Variants in CLMN observed in about 807,000 individuals in gnomAD.
The protein encoded by CLMN is calmin, also known as calmin (calponin-like, transmembrane).
Under a neutral mutation model 92.7 loss-of-function variants are expected in CLMN, and 57 were observed. That is an observed-to-expected ratio of 0.61 (90% CI 0.50 to 0.77). The LOEUF is 0.77. CLMN is among the 30% of genes least tolerant of loss of function. The pLI is 0.00. For synonymous variants in CLMN, 466 were observed against 470.6 expected (o/e 0.99, Z 0.13); for missense variants, 1,158 against 1,237.5 (o/e 0.94, Z 0.96).
chr14:95,237,141 G>A (rs575206022), intron 1 of CLMN, among the ~76,000 whole-genome samples: 6 of 152,374 alleles, frequency 3.9e-5, no homozygotes, highest in African/African-American at 1.4e-4. Context: ...TCCTGGGGCT[G>A]TTGAAGAGAC....
intron 1 of CLMN, among the ~76,000 whole-genome samples, chr14:95,312,552 C>T (rs1481919828): frequency 6.6e-6 from 1 of 152,162 alleles, no homozygotes; most frequent in African/African-American, 2.4e-5. Flanking sequence ...TTCTGCATAG[C>T]AGCCTGATAC....
chr14:95,283,534 T>G (rs772717111), intron 1 of CLMN, among the ~76,000 whole-genome samples: 7 of 152,188 alleles, frequency 4.6e-5, no homozygotes, highest in Non-Finnish European at 7.4e-5. Context: ...GTAGGAAAGT[T>G]TGGAACTTCC....
rs766520294 is a variant in CLMN at position 95,319,795 on chromosome 14, A to AGCGCGGGCGGGAGAGCCCGGGCCAGCGCG, written c.-32_-4dup. ...CAGTCCCACTCGTGTGCAGCCATGA[A>AGCGCGGGCGGGAGAGCCCGGGCCAGCGCG]GCGCGGGCGGGAGAGCCCGGGCCAG... On this transcript the variant is annotated 5_prime_UTR_variant, in exon 1 of 13. Coordinates refer to ENST00000298912, the MANE Select transcript of CLMN (RefSeq NM_024734.4). The AGCGCGGGCGGGAGAGCCCGGGCCAGCGCG allele has an allele frequency of 5.2e-6, 8 of 1,530,232 alleles. No homozygotes were observed. The highest frequency in any genetic ancestry group is 7.0e-6 in the Non-Finnish European group (8 of 1,142,270). 94.8% of individuals were successfully genotyped at this position (1,530,232 alleles called of 1,614,324 possible). A position where few individuals can be genotyped will look rare whatever the true frequency, so the allele number is the denominator to read the frequency against.
In CLMN at chr14:95,185,984, T is replaced by C. The variant is rs1027062740; in HGVS notation, c.*5580A>G. On this transcript the variant is annotated 3_prime_UTR_variant, in exon 13 of 13. Transcript: ENST00000298912. ...TGTACTTGCTAATTCTGACTTTTGTTGGAGAGATGAGCTCCATGGTGTTCT... is the reference window on the plus strand; with the variant it reads ...TGTACTTGCTAATTCTGACTTTTGTCGGAGAGATGAGCTCCATGGTGTTCT... The C allele has an allele frequency of 1.3e-5, 2 of 152,220 alleles. No individual in the cohort carries two copies. The allele number at this position is 152,220 out of a possible 1,614,324, so 9.4% of individuals were successfully genotyped here. A position where few individuals can be genotyped will look rare whatever the true frequency, so the allele number is the denominator to read the frequency against.
Position 95,191,216 on chromosome 14 carries a change from C to A in CLMN, c.*348G>T. ...AGGTAAGAAACTCAAGTTCATCCAG[C>A]GTGTGAACCTGCAATGTGGGGTGTG... On this transcript the variant is annotated 3_prime_UTR_variant, in exon 13 of 13. Coordinates refer to ENST00000298912, the MANE Select transcript of CLMN (RefSeq NM_024734.4). This position sits in a 1 kb window ranked among gnomAD's most constrained non-coding sequence, Gnocchi z 5.3. 6.1e-6 allele frequency: 1 copy of A among 162,910 alleles called. No homozygotes were observed. The highest frequency in any genetic ancestry group is 1.3e-5 in the Non-Finnish European group (1 of 75,526). 10.1% of individuals were successfully genotyped at this position (162,910 alleles called of 1,614,324 possible).
At chr14:95,298,122 A>G (rs1240213731) in intron 1 of CLMN, among the ~76,000 whole-genome samples, 1 of 152,026 alleles carries the variant, frequency 6.6e-6, no homozygotes, top group Non-Finnish European at 1.5e-5. Flanking sequence ...CCCAGCTCCC[A>G]TGGCGTCATC....
chr14:95,197,339 AAAGT>A (rs1896746985), intron 9 of CLMN, among the ~76,000 whole-genome samples: 1 of 151,878 alleles, frequency 6.6e-6, no homozygotes, highest in African/African-American at 2.4e-5. Context: ...AGAAAGAAGA[AAAGT>A]AAAGAAGAAA....
intron 1 of CLMN, among the ~76,000 whole-genome samples, chr14:95,281,262 T>C (rs1950619): frequency 6.6e-6 from 1 of 152,060 alleles, no homozygotes; most frequent in East Asian, 1.9e-4. Context: ...GTCTAAGCTG[T>C]CACCGCTTAT....
chr14:95,239,667 C>T (rs974076307), intron 1 of CLMN, among the ~76,000 whole-genome samples: 8 of 152,230 alleles, frequency 5.3e-5, no homozygotes, highest in East Asian at 1.9e-4. Context: ...ACATATTACA[C>T]AGTCTGCCCC....
chr14:95,204,135 G>A lies in CLMN; in HGVS notation c.1214C>T (p.Ser405Phe), dbSNP rs1358534716. Residue 405 changes from serine (S) to phenylalanine (F), a missense_variant, in exon 9 of 13, where the codon TCC becomes TTC. Transcript: ENST00000298912. ...CTCCTTTCTGGATGATAAAATGGAG[G>A]ATTCTGGAGATGGCTCACTGATGTC... The part of the protein sequence containing the change: ...TSDISEPSPE[S>F]SILSSRKENG... The A allele has an allele frequency of 1.9e-6, 3 of 1,614,050 alleles. No homozygotes were observed. Among genetic ancestry groups the A allele is most frequent in the Non-Finnish European group, 8.5e-7 (1 of 1,180,042 alleles).
At chr14:95,262,944 A>C (rs190360377) in intron 1 of CLMN, among the ~76,000 whole-genome samples, 1 of 152,234 alleles carries the variant, frequency 6.6e-6, no homozygotes, top group African/African-American at 2.4e-5. Context: ...TTCTTCTGGG[A>C]GGTAGGAGCA....
At chr14:95,293,439 TCCTC>T (rs938839376) in intron 1 of CLMN, among the ~76,000 whole-genome samples, 4 of 147,936 alleles carry the variant, frequency 2.7e-5, no homozygotes, top group African/African-American at 5.0e-5. Flanking sequence ...CTTCCTCCCT[TCCTC>T]CCTATTTTCA....
At chr14:95,274,943 G>GCACTC (rs1595084732) in intron 1 of CLMN, among the ~76,000 whole-genome samples, 1 of 144,114 alleles carries the variant, frequency 6.9e-6, no homozygotes, top group East Asian at 2.0e-4. Flanking sequence ...TAGCACCACT[G>GCACTC]CACTCCAGCC....
At chr14:95,302,630 A>G (rs937173865) in intron 1 of CLMN, among the ~76,000 whole-genome samples, 6 of 152,194 alleles carry the variant, frequency 3.9e-5, no homozygotes, top group African/African-American at 1.2e-4. Context: ...TAAATAAAGG[A>G]AAAAAACAAA....
chr14:95,308,680 C>T (rs923256567), intron 1 of CLMN, among the ~76,000 whole-genome samples: 15 of 150,614 alleles, frequency 1.0e-4, no homozygotes, highest in African/African-American at 3.7e-4. Context: ...ATGATCGCAT[C>T]AGTGCCCTAT....
At chr14:95,208,256 TTCTGAG>T (rs1897100003) in intron 8 of CLMN, among the ~76,000 whole-genome samples, 1 of 152,212 alleles carries the variant, frequency 6.6e-6, no homozygotes, top group Non-Finnish European at 1.5e-5. Flanking sequence ...TCTAGTTTAT[TTCTGAG>T]TCCCCTAAGC....
intron 10 of CLMN, among the ~76,000 whole-genome samples, chr14:95,196,065 T>A (rs536445809): frequency 6.6e-6 from 1 of 152,318 alleles, no homozygotes; most frequent in African/African-American, 2.4e-5. Flanking sequence ...GTGCCAGACA[T>A]TAATGGTCTC....
chr14:95,211,948 A>G (rs1289952581), intron 6 of CLMN, among the ~76,000 whole-genome samples: 1 of 152,196 alleles, frequency 6.6e-6, no homozygotes, highest in Non-Finnish European at 1.5e-5. Flanking sequence ...GAACTGTCCT[A>G]TCACCCCAAG....
chr14:95,208,322 A>G (rs1897102238), intron 8 of CLMN, among the ~76,000 whole-genome samples: 1 of 152,162 alleles, frequency 6.6e-6, no homozygotes, highest in Admixed American at 6.5e-5. Context: ...AAAGGCTGTC[A>G]TTGCTGTCAT....
Sources: allele counts gnomAD v4.1 joint callset (sites outside exome capture counted in the v4.1 genomes callset), GRCh38; gene constraint gnomAD v4.1.1; non-coding constraint Gnocchi (gnomAD v3.1); transcripts MANE v1.5; gene names NCBI Gene and HGNC (gene_info 2026-07-23, HGNC 2026-07-21).